FBXL17: variants seen among roughly 807,000 people sequenced by gnomAD.
FBXL17 encodes F-box and leucine rich repeat protein 17, also known as F-box/LRR-repeat protein 17.
Under a neutral mutation model 66.2 loss-of-function variants are expected in FBXL17, and 22 were observed. The observed-to-expected ratio is 0.33, with a 90% confidence interval of 0.24 to 0.47. The LOEUF (loss-of-function observed/expected upper bound fraction) is 0.47, where lower values mean the gene tolerates loss of function less well. Among genes scored for constraint, FBXL17 ranks in the 20% least tolerant of loss-of-function variants. The pLI, the probability that FBXL17 is intolerant of heterozygous loss-of-function variation, is 1.00. For synonymous variants in FBXL17, 474 were observed against 400.5 expected (o/e 1.18, Z -2.19); for missense variants, 878 against 948.2 (o/e 0.93, Z 0.97).
chr5:108,217,549 A>G lies in FBXL17; in HGVS notation c.1614+6572T>C, dbSNP rs549971481. On this transcript the variant is annotated intron_variant, in intron 5 of 8. Transcript: ENST00000542267. ...TCTTCTTTTTGCTTTCCATTTCAAC[A>G]TTGTTTCAATATTATATTATTTGTG... Among the ~76,000 whole-genome samples, 6 of 151,914 alleles carry G rather than the reference A, an allele frequency of 3.9e-5. No homozygotes were observed. In the East Asian group the frequency reaches 9.7e-4, roughly 25 times the overall value.
At chr5:108,082,723 C>A (rs941558750) in intron 6 of FBXL17, among the ~76,000 whole-genome samples, 2 of 151,978 alleles carry the variant, frequency 1.3e-5, no homozygotes, top group African/African-American at 4.8e-5. Context: ...TAGTAATAAT[C>A]AAAAAATTAT....
intron 6 of FBXL17, among the ~76,000 whole-genome samples, chr5:108,070,480 G>T (rs959312807): frequency 5.3e-5 from 8 of 152,086 alleles, no homozygotes; most frequent in Non-Finnish European, 1.2e-4. Context: ...TCCCCAACAG[G>T]GTTTACTTAA....
At chr5:108,243,322 A>G (rs1755946735) in intron 4 of FBXL17, among the ~76,000 whole-genome samples, 1 of 152,212 alleles carries the variant, frequency 6.6e-6, no homozygotes, top group Admixed American at 6.5e-5. Context: ...TAATATTGAG[A>G]TAATCCAAAT....
chr5:107,886,819 A>G (rs757347432), intron 7 of FBXL17, among the ~76,000 whole-genome samples: 1 of 152,076 alleles, frequency 6.6e-6, no homozygotes, highest in Non-Finnish European at 1.5e-5. Context: ...AATAACTTCA[A>G]TGTACTTAGA....
chr5:107,919,084 T>G, intron 7 of FBXL17, among the ~76,000 whole-genome samples: 1 of 152,128 alleles, frequency 6.6e-6, no homozygotes, highest in East Asian at 1.9e-4. Flanking sequence ...ATTACCAGTA[T>G]CATGTTCTTT....
intron 5 of FBXL17, among the ~76,000 whole-genome samples, chr5:108,198,430 T>C (rs1039540844): frequency 1.3e-5 from 2 of 152,124 alleles, no homozygotes; most frequent in East Asian, 1.9e-4. Context: ...TAAATAACTA[T>C]GCAGATTTGA....
At chr5:107,959,878 G>T (rs149083241) in intron 7 of FBXL17, among the ~76,000 whole-genome samples, 1 of 152,104 alleles carries the variant, frequency 6.6e-6, no homozygotes, top group Non-Finnish European at 1.5e-5. Context: ...GAAAAGCTCT[G>T]GGAGGTTTAT....
chr5:108,296,964 G>T (rs1351329108), intron 4 of FBXL17, among the ~76,000 whole-genome samples: 1 of 150,804 alleles, frequency 6.6e-6, no homozygotes, highest in Non-Finnish European at 1.5e-5. Flanking sequence ...CATTCAAATT[G>T]ATATTAAAGG....
chr5:107,944,179 T>G (rs1018920503), intron 7 of FBXL17, among the ~76,000 whole-genome samples: 2 of 152,230 alleles, frequency 1.3e-5, no homozygotes, highest in South Asian at 2.1e-4. Context: ...TTTGTACATT[T>G]GTCTATTTTG....
intron 4 of FBXL17, among the ~76,000 whole-genome samples, chr5:108,271,684 T>C (rs1186901644): frequency 6.6e-6 from 1 of 152,204 alleles, no homozygotes; most frequent in African/African-American, 2.4e-5. Context: ...CAGAAAGATA[T>C]AAATGCAAGA....
chr5:107,957,721 T>C (rs556878955), intron 7 of FBXL17, among the ~76,000 whole-genome samples: 1 of 152,260 alleles, frequency 6.6e-6, no homozygotes, highest in South Asian at 2.1e-4. Flanking sequence ...CATACACACA[T>C]AGAAAAAGTA....
At chr5:107,986,494 G>A (rs1753017226) in intron 7 of FBXL17, among the ~76,000 whole-genome samples, 1 of 151,550 alleles carries the variant, frequency 6.6e-6, no homozygotes, top group African/African-American at 2.4e-5. Flanking sequence ...ATGTAAGATT[G>A]CAAGTATCTT....
intron 7 of FBXL17, among the ~76,000 whole-genome samples, chr5:107,909,666 T>C (rs1460271824): frequency 6.6e-6 from 1 of 152,110 alleles, no homozygotes; most frequent in East Asian, 1.9e-4. Flanking sequence ...CAAGAAAACA[T>C]AATGGCAGCA....
At chr5:108,149,639 C>T (rs938777774) in intron 6 of FBXL17, among the ~76,000 whole-genome samples, 4 of 152,162 alleles carry the variant, frequency 2.6e-5, no homozygotes, top group African/African-American at 7.2e-5. Flanking sequence ...CTATCTTAAC[C>T]ACCTTACATT....
At chr5:108,332,941 CAAAAAAAAA>C (rs34218940) in intron 4 of FBXL17, among the ~76,000 whole-genome samples, 8 of 34,764 alleles carry the variant, frequency 2.3e-4, no homozygotes, top group African/African-American at 7.2e-4. Flanking sequence ...AAAGCAAAAG[CAAAAAAAAA>C]AAAAAAAAAA....
chr5:108,073,749 T>A (rs528169626), intron 6 of FBXL17, among the ~76,000 whole-genome samples: 1 of 152,238 alleles, frequency 6.6e-6, no homozygotes, highest in South Asian at 2.1e-4. Context: ...CAAGATCTAT[T>A]GTTTAAAAGA....
At chr5:108,226,966 C>T (rs146767701) in intron 4 of FBXL17, among the ~76,000 whole-genome samples, 146 of 152,196 alleles carry the variant, frequency 9.6e-4, no homozygotes, top group African/African-American at 3.1e-3. Context: ...AATGGCTCTC[C>T]TGGTACTCTA....
chr5:108,271,687 A>G (rs968542668), intron 4 of FBXL17, among the ~76,000 whole-genome samples: 1 of 152,206 alleles, frequency 6.6e-6, no homozygotes, highest in Non-Finnish European at 1.5e-5. Context: ...AAAGATATAA[A>G]TGCAAGATTT....
intron 5 of FBXL17, among the ~76,000 whole-genome samples, chr5:108,212,228 G>T (rs35910744): frequency 6.6e-6 from 1 of 152,042 alleles, no homozygotes; most frequent in South Asian, 2.1e-4. Flanking sequence ...TTAGCGATTC[G>T]TCTAACCTTT....
Sources: allele counts gnomAD v4.1 joint callset (sites outside exome capture counted in the v4.1 genomes callset), GRCh38; gene constraint gnomAD v4.1.1; transcripts MANE v1.5; gene names NCBI Gene and HGNC (gene_info 2026-07-23, HGNC 2026-07-21).